The following SLC35D4 variants were observed in gnomAD, a reference collection of about 807,000 sequenced individuals.
SLC35D4 encodes UDP-N-acetylglucosamine transporter SLC35D4.
the SLC35D4 span, among the ~76,000 whole-genome samples, chr18:23,238,991 T>C: frequency 3.3e-5 from 5 of 152,214 alleles, no homozygotes; most frequent in African/African-American, 1.2e-4. Context: ...GCGGGAGCTG[T>C]CCTAACAGAC....
At chr18:23,270,182 C>T in the SLC35D4 span, among the ~76,000 whole-genome samples, 4 of 152,162 alleles carry the variant, frequency 2.6e-5, no homozygotes, top group Non-Finnish European at 5.9e-5. Context: ...GCCTTGTGTC[C>T]CAGATGCTCT....
At chr18:23,304,571 G>C in the SLC35D4 span, among the ~76,000 whole-genome samples, 5 of 151,310 alleles carry the variant, frequency 3.3e-5, no homozygotes, top group Admixed American at 2.6e-4. Flanking sequence ...AAGAGAGAGA[G>C]GGAGAGAGAG....
chr18:23,250,586 G>T, the SLC35D4 span, among the ~76,000 whole-genome samples: 1 of 152,206 alleles, frequency 6.6e-6, no homozygotes, highest in Non-Finnish European at 1.5e-5. Flanking sequence ...TTGGAGGGCT[G>T]CCACAGGGGT....
chr18:23,393,445 C>G, the SLC35D4 span, among the ~76,000 whole-genome samples: 2 of 152,124 alleles, frequency 1.3e-5, no homozygotes, highest in Non-Finnish European at 2.9e-5. Context: ...AGCCACCATA[C>G]TACTTTCTGC....
chr18:23,314,460 T>A, the SLC35D4 span, among the ~76,000 whole-genome samples: 1 of 151,786 alleles, frequency 6.6e-6, no homozygotes, highest in Non-Finnish European at 1.5e-5. Flanking sequence ...GTGCTTACCC[T>A]GGGGGGGGCT....
the SLC35D4 span, among the ~76,000 whole-genome samples, chr18:23,321,469 T>A: frequency 2.0e-5 from 3 of 152,150 alleles, no homozygotes; most frequent in Non-Finnish European, 2.9e-5. Flanking sequence ...GAGTCTTTTT[T>A]TTTTTGAGAC....
the SLC35D4 span, among the ~76,000 whole-genome samples, chr18:23,363,897 CA>C: frequency 2.6e-5 from 4 of 152,186 alleles, no homozygotes; most frequent in Admixed American, 2.6e-4. Flanking sequence ...AGAGGGGACT[CA>C]ACAGCCAACC....
At chr18:23,361,612 C>T in the SLC35D4 span, among the ~76,000 whole-genome samples, 1,339 of 152,224 alleles carry the variant, frequency 8.8e-3, 12 homozygotes, top group Non-Finnish European at 0.015. Flanking sequence ...AGAGAAGAGT[C>T]CTTCAAGAGC....
At chr18:23,288,238 G>T in the SLC35D4 span, among the ~76,000 whole-genome samples, 1 of 152,044 alleles carries the variant, frequency 6.6e-6, no homozygotes, top group Non-Finnish European at 1.5e-5. Context: ...ATCACACCTG[G>T]TTTATCGATG....
At chr18:23,374,174 C>T in the SLC35D4 span, among the ~76,000 whole-genome samples, 36 of 152,188 alleles carry the variant, frequency 2.4e-4, no homozygotes, top group Non-Finnish European at 4.1e-4. Flanking sequence ...GAAAACACTA[C>T]GGAAATTGCA....
the SLC35D4 span, among the ~76,000 whole-genome samples, chr18:23,317,804 A>G: frequency 6.6e-6 from 1 of 151,880 alleles, no homozygotes. Context: ...GCAGTGGCCA[A>G]TGTCTGCTCA....
the SLC35D4 span, among the ~76,000 whole-genome samples, chr18:23,289,985 A>G: frequency 2.0e-5 from 3 of 152,142 alleles, no homozygotes; most frequent in African/African-American, 4.8e-5. Context: ...CCCAGGTGAA[A>G]TAAACAGCTT....
At chr18:23,328,373 A>AGT in the SLC35D4 span, among the ~76,000 whole-genome samples, 1 of 152,244 alleles carries the variant, frequency 6.6e-6, no homozygotes, top group Non-Finnish European at 1.5e-5. Flanking sequence ...ATACAAAATC[A>AGT]ATGTGCAAAA....
the SLC35D4 span, among the ~76,000 whole-genome samples, chr18:23,377,129 G>A: frequency 6.6e-6 from 1 of 152,144 alleles, no homozygotes; most frequent in African/African-American, 2.4e-5. Flanking sequence ...TTCAAATGCT[G>A]CAGGCACCGG....
chr18:23,363,252 CAAAA>C, the SLC35D4 span, among the ~76,000 whole-genome samples: 13 of 107,888 alleles, frequency 1.2e-4, no homozygotes, highest in Admixed American at 9.3e-5. Context: ...GACTCTGTCT[CAAAA>C]AAAAAAAAAA....
chr18:23,266,389 T>A, the SLC35D4 span, among the ~76,000 whole-genome samples: 1 of 135,638 alleles, frequency 7.4e-6, no homozygotes, highest in Non-Finnish European at 1.5e-5. Flanking sequence ...TTTACCTCCA[T>A]TGAACTTAAT....
chr18:23,405,623 A>G, the SLC35D4 span, among the ~76,000 whole-genome samples: 1 of 152,242 alleles, frequency 6.6e-6, no homozygotes, highest in African/African-American at 2.4e-5. Flanking sequence ...ATGAAGACAC[A>G]GCTCTTAATA....
At chr18:23,303,897 ATCT>A in the SLC35D4 span, among the ~76,000 whole-genome samples, 1 of 137,166 alleles carries the variant, frequency 7.3e-6, no homozygotes, top group Non-Finnish European at 1.6e-5. Flanking sequence ...GCAAAACTCT[ATCT>A]CCAGGAAAAA....
At chr18:23,259,765 CTG>C in the SLC35D4 span, 1 of 152,264 alleles carries the variant, frequency 6.6e-6, no homozygotes, top group Non-Finnish European at 1.5e-5. Context: ...AGGAGGAAGT[CTG>C]AGCCTGTGAA....
Sources: allele counts gnomAD v4.1 joint callset (sites outside exome capture counted in the v4.1 genomes callset), GRCh38; gene constraint gnomAD v4.1.1; transcripts MANE v1.5; gene names NCBI Gene and HGNC (gene_info 2026-07-23, HGNC 2026-07-21).